Variants in UMODL1 observed in about 807,000 individuals in gnomAD.
UMODL1 encodes uromodulin like 1.
UMODL1 carries 128 observed loss-of-function variants against 136.3 expected under a neutral mutation model. The ratio of observed to expected loss-of-function variants is 0.94; its 90% CI spans 0.81 to 1.09. The LOEUF (loss-of-function observed/expected upper bound fraction) is 1.09. Ranked by LOEUF, UMODL1 falls within the 50% of genes least tolerant of loss-of-function variation. UMODL1 has a pLI of 0.00. For synonymous variants in UMODL1, 721 were observed against 720.0 expected (o/e 1.00, Z -0.02); for missense variants, 1,766 against 1,725.6 (o/e 1.02, Z -0.41).
chr21:42,096,237 C>T (rs984051636), intron 6 of UMODL1, among the ~76,000 whole-genome samples: 1 of 152,174 alleles, frequency 6.6e-6, no homozygotes, highest in Non-Finnish European at 1.5e-5. Context: ...ACATTGTCCT[C>T]AGGGATAATG....
chr21:42,074,702 C>T (rs1012873572), intron 1 of UMODL1, among the ~76,000 whole-genome samples: 2 of 152,066 alleles, frequency 1.3e-5, no homozygotes, highest in African/African-American at 4.8e-5. Flanking sequence ...TCCTCCTGAT[C>T]ACAGTGGTAA....
intron 5 of UMODL1, among the ~76,000 whole-genome samples, 154 bp from the exon 6 acceptor site, chr21:42,090,144 A>G (rs2066473677): frequency 6.6e-6 from 1 of 152,186 alleles, no homozygotes; most frequent in Non-Finnish European, 1.5e-5. Flanking sequence ...CGAGACTTCC[A>G]TAGTCTCCCT....
chr21:42,073,550 G>T (rs1048674629), intron 1 of UMODL1, among the ~76,000 whole-genome samples: 5 of 152,184 alleles, frequency 3.3e-5, no homozygotes, highest in Admixed American at 6.5e-5. Context: ...GTGGAGTGGG[G>T]TCGCTGTGCA....
chr21:42,081,307 C>T (rs1258441142), intron 2 of UMODL1, among the ~76,000 whole-genome samples: 2 of 152,232 alleles, frequency 1.3e-5, no homozygotes, highest in South Asian at 2.1e-4. Context: ...CAGTCCTCAG[C>T]CCTGGGAGCC....
rs759674936 is a variant in UMODL1, at chr21:42,111,344, C to T, written c.1900-162C>T. 22 of 1,607,584 alleles carry T rather than the reference C, an allele frequency of 1.4e-5. No individual in the cohort carries two copies. The highest frequency in any genetic ancestry group is 1.8e-5 in the Non-Finnish European group (21 of 1,178,286). ...CCAGGGGAGCCCCAGCCAGGGGAGC[C>T]CCAGCCAGGAGAGCCCCAGCCAGGG... On this transcript the variant is annotated intron_variant, in intron 11 of 22. Coordinates refer to ENST00000408910, the MANE Select transcript of UMODL1 (RefSeq NM_001004416.3).
chr21:42,103,170 C>T (rs1355121184), intron 8 of UMODL1: 1 of 188,600 alleles, frequency 5.3e-6, no homozygotes, highest in Non-Finnish European at 1.1e-5. Flanking sequence ...TGCAAACATC[C>T]TTGGAAAGAT....
At chr21:42,077,448 GT>G (rs1220457502) in intron 2 of UMODL1, among the ~76,000 whole-genome samples, 14 of 151,948 alleles carry the variant, frequency 9.2e-5, no homozygotes, top group South Asian at 4.2e-4. Flanking sequence ...AGAAAGAGGA[GT>G]GGGGGTCTAG....
intron 21 of UMODL1, among the ~76,000 whole-genome samples, chr21:42,130,459 T>G (rs1382009979): frequency 2.0e-5 from 3 of 151,296 alleles, no homozygotes; most frequent in Non-Finnish European, 4.4e-5. Flanking sequence ...TTGGGGAAAA[T>G]TGTGTGCTTT....
At position 42,085,766 on chromosome 21, in the gene UMODL1, C is replaced by A. The variant is rs1285395361; in HGVS notation, c.603+354C>A. ...GAGCTCTTCCCTCACCACCCTCAGT[C>A]CCAATTTCTTCAAGTTCTGGCTCCT... is the stretch of plus-strand genomic sequence containing the variant. On this transcript the variant is annotated intron_variant, in intron 4 of 22. Transcript: ENST00000408910. The surrounding 1 kb of genome is among the most constrained non-coding windows in gnomAD (Gnocchi z 4.5). Among the ~76,000 whole-genome samples, 3 of 152,164 alleles carry A rather than the reference C, an allele frequency of 2.0e-5. No homozygotes were observed. The highest frequency in any genetic ancestry group is 6.5e-5 in the Admixed American group (1 of 15,282).
intron 10 of UMODL1, among the ~76,000 whole-genome samples, chr21:42,110,627 T>G (rs2066807779): frequency 6.6e-6 from 1 of 152,086 alleles, no homozygotes; most frequent in African/African-American, 2.4e-5. Context: ...GCCCCCCGGG[T>G]GGATCCCTCA....
In UMODL1 at chr21:42,075,844, C is replaced by A. The variant is rs2066283686; in HGVS notation, c.77-161C>A. On this transcript the variant is annotated intron_variant, in intron 1 of 22. Transcript: ENST00000408910. ...ACAGCCTTCCTGGTGCACTAGCAGG[C>A]AAAGGCCAGTGGAGAGGGCTGGTGG... Among the ~76,000 whole-genome samples, 3 of 152,390 alleles carry A rather than the reference C, an allele frequency of 2.0e-5. No individual in the cohort carries two copies. In the South Asian group the frequency reaches 6.2e-4, roughly 32 times the overall value.
chr21:42,141,501 C>T (rs1039658329), intron 22 of UMODL1, among the ~76,000 whole-genome samples: 1 of 152,250 alleles, frequency 6.6e-6, no homozygotes, highest in African/African-American at 2.4e-5. Flanking sequence ...ATGAGGCCAA[C>T]ACTATCCCGC....
At chr21:42,124,075 A>G (rs2067017971) in intron 17 of UMODL1, among the ~76,000 whole-genome samples, 1 of 152,182 alleles carries the variant, frequency 6.6e-6, no homozygotes, top group African/African-American at 2.4e-5. Flanking sequence ...CCCATGAGGT[A>G]GCTGACCTGG....
Position 42,111,012 on chromosome 21 carries a change from G to T in UMODL1, c.1790G>T (p.Gly597Val), listed in dbSNP as rs770127433. Residue 597 changes from glycine (G) to valine (V), a missense_variant, in exon 11 of 23, where the codon GGC becomes GTC. Gly to Val is a moderately radical substitution (Grantham distance 109). Coordinates refer to ENST00000408910, the MANE Select transcript of UMODL1 (RefSeq NM_001004416.3). ...TLSPSPGYPQ[G>V]TPAAGQAWTP... is the part of the protein sequence containing the mutation. Reference sequence around the variant, plus strand: ...TCACCCAGTCCTGGGTACCCTCAGGGCACCCCGGCAGCAGGCCAGGCCTGG... The same window carrying T: ...TCACCCAGTCCTGGGTACCCTCAGGTCACCCCGGCAGCAGGCCAGGCCTGG... 6.2e-7 allele frequency: 1 copy of T among 1,612,794 alleles called. No individual in the cohort carries two copies. Among genetic ancestry groups the T allele is most frequent in the South Asian group, 1.1e-5 (1 of 90,794 alleles).
Position 42,111,031 on chromosome 21 carries a change from G to A in UMODL1, c.1809G>A (p.Gln603=), listed in dbSNP as rs753526177. ...CTCAGGGCACCCCGGCAGCAGGCCA[G>A]GCCTGGACCCCAGAGCCCTCACCCA... is the stretch of plus-strand genomic sequence containing the variant. ...GYPQGTPAAG[Q]AWTPEPSPRR... The change falls in exon 11 of 23, where the codon CAG becomes CAA. Residue 603 remains glutamine, a synonymous_variant. Transcript: ENST00000408910. 12 of 1,613,254 alleles carry A rather than the reference G, an allele frequency of 7.4e-6. No homozygotes were observed. Among genetic ancestry groups the A allele is most frequent in the Non-Finnish European group, 9.3e-6 (11 of 1,179,776 alleles).
rs2066802952 is a variant in UMODL1 at position 42,110,360 on chromosome 21, G to C, written c.1658-520G>C. Among the ~76,000 whole-genome samples the C allele has an allele frequency of 2.0e-5, 3 of 152,336 alleles. No homozygotes were observed. In the South Asian group the frequency reaches 6.2e-4, roughly 32 times the overall value. On this transcript the variant is annotated intron_variant, in intron 10 of 22. Coordinates refer to ENST00000408910, the MANE Select transcript of UMODL1 (RefSeq NM_001004416.3). ...AGCCCCTGCTGAGGGCTTTCTAGCT[G>C]GAAGGAGCAGCCGAGACCAGTTCCC...
chr21:42,104,130 T>C (rs1272912394), intron 9 of UMODL1, 43 bp downstream of exon 9: 2 of 1,559,984 alleles, frequency 1.3e-6, no homozygotes, highest in Non-Finnish European at 1.7e-6. Context: ...GTCCTCCAGC[T>C]CAGAAATCCT....
rs1271249170 is a variant in UMODL1 at position 42,103,738 on chromosome 21, C to G, written c.1300-130C>G. On this transcript the variant is annotated intron_variant, in intron 8 of 22. Transcript: ENST00000408910. ...TCTCTGCGTGCTCTGAGAGGTCGGT[C>G]GTCAGGTGCCTCCTCTTGATTGTAG... 3 of 1,095,578 alleles carry G rather than the reference C, an allele frequency of 2.7e-6. No individual in the cohort carries two copies. The East Asian group carries it at 7.4e-5, about 27-fold the overall frequency. 67.9% of individuals were successfully genotyped at this position (1,095,578 alleles called of 1,614,324 possible). A position where few individuals can be genotyped will look rare whatever the true frequency, so the allele number is the denominator to read the frequency against.
chr21:42,136,844 G>A (rs2067211139), intron 21 of UMODL1, among the ~76,000 whole-genome samples: 1 of 151,598 alleles, frequency 6.6e-6, no homozygotes, highest in Admixed American at 6.6e-5. Flanking sequence ...TGTAACCTCC[G>A]CCTCCTGTGT....
Sources: allele counts gnomAD v4.1 joint callset (sites outside exome capture counted in the v4.1 genomes callset), GRCh38; gene constraint gnomAD v4.1.1; non-coding constraint Gnocchi (gnomAD v3.1); transcripts MANE v1.5; gene names NCBI Gene and HGNC (gene_info 2026-07-23, HGNC 2026-07-21).